The following PPP1R12C variants were observed in gnomAD, a reference collection of about 807,000 sequenced individuals.
The protein encoded by PPP1R12C is protein phosphatase 1 regulatory subunit 12C.
A neutral mutation model predicts 95.6 loss-of-function variants in PPP1R12C; 48 were observed. The observed-to-expected ratio is 0.50, with a 90% CI of 0.40 to 0.64. The LOEUF (loss-of-function observed/expected upper bound fraction) is 0.64, where lower values mean the gene tolerates loss of function less well. PPP1R12C is among the 30% of genes least tolerant of loss of function. PPP1R12C has a pLI of 0.00. For synonymous variants in PPP1R12C, 480 were observed against 460.8 expected (o/e 1.04, Z -0.53); for missense variants, 1,057 against 1,083.3 (o/e 0.98, Z 0.34).
Position 55,117,361 on chromosome 19 carries a change from G to T in PPP1R12C, c.183C>A (p.Gly61=), listed in dbSNP as rs956873141. 17 of 1,116,738 alleles carry T rather than the reference G, an allele frequency of 1.5e-5. No homozygotes were observed. Among genetic ancestry groups the T allele is most frequent in the Non-Finnish European group, 1.9e-5 (17 of 915,688 alleles). The allele number at this position is 1,116,738 out of a possible 1,614,324, so 69.2% of individuals were successfully genotyped here. A position where few individuals can be genotyped will look rare whatever the true frequency, so the allele number is the denominator to read the frequency against. ...TCAGACGCGCCTCGTCCAGGTCGCC[G>T]CCCGCACAGGCCGCCAGGAACTCGG... ...RAAEFLAACA[G]GDLDEARLML... is the part of the protein sequence containing the mutation. The change falls in exon 1 of 22, where the codon GGC becomes GGA. Residue 61 remains glycine (G), a synonymous_variant. Coordinates refer to ENST00000263433, the MANE Select transcript of PPP1R12C (RefSeq NM_017607.4).
At chr19:55,105,654 A>T (rs2085030489) in intron 3 of PPP1R12C, among the ~76,000 whole-genome samples, 1 of 152,146 alleles carries the variant, frequency 6.6e-6, no homozygotes, top group Non-Finnish European at 1.5e-5. Flanking sequence ...ATCCAAGAAG[A>T]AGTCACTCCC....
At chr19:55,104,323 A>T (rs549348883) in intron 3 of PPP1R12C, among the ~76,000 whole-genome samples, 73 of 149,656 alleles carry the variant, frequency 4.9e-4, no homozygotes, top group Non-Finnish European at 1.0e-3. Flanking sequence ...TATATATATA[A>T]AACCTATATA....
rs1173984819 is a variant in PPP1R12C at position 55,095,313 on chromosome 19, T to C, written c.1432A>G (p.Lys478Glu). ...CACAGGACAGAGGGCTCCGGCAGCT[T>C]CGGGGAGGGGGTCGGGGTAATTCTG... ...LARITPTPSP[K>E]LPEPSVLSEV... is the part of the protein sequence containing the mutation. Residue 478 changes from lysine (K) to glutamate (E), a missense_variant, in exon 11 of 22, where the codon AAG becomes GAG. This residue lies in a region of PPP1R12C where 356 missense variants were observed against 330.5 expected (regional missense o/e 1.08). Coordinates refer to ENST00000263433, the MANE Select transcript of PPP1R12C (RefSeq NM_017607.4). 1.3e-6 allele frequency: 2 copies of C among 1,584,806 alleles called. No individual in the cohort carries two copies. The highest frequency in any genetic ancestry group is 2.3e-5 in the South Asian group (2 of 86,680).
Position 55,103,507 on chromosome 19 carries a change from G to A in PPP1R12C, c.633C>T (p.Cys211=), listed in dbSNP as rs148432002. 2.3e-4 allele frequency: 367 copies of A among 1,604,238 alleles called. No individual in the cohort carries two copies. The African/African-American group carries it at 4.4e-3, about 19-fold the overall frequency. The change falls in exon 4 of 22, where the codon TGC becomes TGT. Residue 211 remains cysteine, a synonymous_variant. Transcript: ENST00000263433. ...CTGGCATGGCGCCCCCATTCAGCCA[G>A]CACCTCGTGTCATGAAGGAGCAATT... ...EEELLLHDTR[C]WLNGGAMPEA...
intron 3 of PPP1R12C, among the ~76,000 whole-genome samples, chr19:55,108,236 A>G (rs2085059690): frequency 6.6e-6 from 1 of 152,100 alleles, no homozygotes; most frequent in Admixed American, 6.6e-5. Context: ...CGCCCAGCCT[A>G]AAATTTACCA....
rs549405143 is a variant in PPP1R12C at position 55,095,959 on chromosome 19, G to A, written c.1154-19C>T. 9 of 1,610,898 alleles carry A rather than the reference G, an allele frequency of 5.6e-6. No individual in the cohort carries two copies. Among genetic ancestry groups the A allele is most frequent in the African/African-American group, 2.7e-5 (2 of 74,840 alleles). On this transcript the variant is annotated intron_variant, in intron 8 of 21. Transcript: ENST00000263433. Reference sequence around the variant, plus strand: ...GGTGGTTCTGTGATGTGGGAACACCGGGCAGGTCACAGAAGATGCCAGTTG... The same window carrying A: ...GGTGGTTCTGTGATGTGGGAACACCAGGCAGGTCACAGAAGATGCCAGTTG...
intron 1 of PPP1R12C, 74 bp downstream of exon 1, chr19:55,117,149 G>A: frequency 8.7e-7 from 1 of 1,149,038 alleles, no homozygotes; most frequent in South Asian, 4.3e-5. Flanking sequence ...CTGGCAACGG[G>A]GAAGGAGGAT....
Position 55,093,041 on chromosome 19 carries a change from C to T in PPP1R12C, c.1800G>A (p.Glu600=). 1 of 1,590,710 alleles carries T rather than the reference C, an allele frequency of 6.3e-7. No individual in the cohort carries two copies. Among genetic ancestry groups the T allele is most frequent in the Non-Finnish European group, 8.6e-7 (1 of 1,167,580 alleles). ...PSRRPRVPGV[E]NSDSPAQRAE... is the part of the protein sequence containing the mutation. ...CTCTCTGGGCAGGGCTGTCAGAGTTCTCCACTCCAGGGACGCGGGGCCTTC... is the reference window on the plus strand; with the variant it reads ...CTCTCTGGGCAGGGCTGTCAGAGTTTTCCACTCCAGGGACGCGGGGCCTTC... Residue 600 remains glutamate (E), a synonymous_variant, in exon 15 of 22, where the codon GAG becomes GAA. Coordinates refer to ENST00000263433, the MANE Select transcript of PPP1R12C (RefSeq NM_017607.4).
Position 55,095,365 on chromosome 19 carries a change from GGA to G in PPP1R12C, c.1387-9_1387-8del. The G allele has an allele frequency of 6.3e-7, 1 of 1,588,606 alleles. No individual in the cohort carries two copies. The highest frequency in any genetic ancestry group is 2.3e-5 in the East Asian group (1 of 43,286). On this transcript the variant is annotated splice_polypyrimidine_tract_variant and splice_region_variant and intron_variant, in intron 10 of 21. Coordinates refer to ENST00000263433, the MANE Select transcript of PPP1R12C (RefSeq NM_017607.4). ...CAAGACGGAGCTCCTTGGCCTGTGT[GGA>G]GAGGAGAAGGGGAGGAAGGGGCAGT...
chr19:55,103,065 C>G (rs574466386), intron 4 of PPP1R12C, among the ~76,000 whole-genome samples: 36 of 152,170 alleles, frequency 2.4e-4, no homozygotes, highest in East Asian at 5.8e-4. Context: ...TGGTGGTGTG[C>G]GCCTGTAGTC....
At chr19:55,110,932 A>C (rs2085088657) in intron 3 of PPP1R12C, among the ~76,000 whole-genome samples, 1 of 150,938 alleles carries the variant, frequency 6.6e-6, no homozygotes, top group Admixed American at 6.6e-5. Flanking sequence ...AGGAAGGGAG[A>C]GATGGAGGGA....
At chr19:55,111,711 A>T (rs1053071506) in intron 3 of PPP1R12C, 15 of 151,244 alleles carry the variant, frequency 9.9e-5, no homozygotes, top group Non-Finnish European at 2.1e-4. Flanking sequence ...TTCCTTCCAC[A>T]CGGTCCCCTG....
chr19:55,107,187 G>T lies in PPP1R12C; in HGVS notation c.572-3619C>A, dbSNP rs557250399. Among the ~76,000 whole-genome samples the T allele has an allele frequency of 2.6e-5, 4 of 152,274 alleles. No homozygotes were observed. The South Asian group carries it at 8.3e-4, about 32-fold the overall frequency. On this transcript the variant is annotated intron_variant, in intron 3 of 21. Coordinates refer to ENST00000263433, the MANE Select transcript of PPP1R12C (RefSeq NM_017607.4). Reference sequence around the variant, plus strand: ...CCAGCACTTTGGGGGGCCGAGACGGGTGGATCAGCTGAGGTCAGGAGTTCA... The same window carrying T: ...CCAGCACTTTGGGGGGCCGAGACGGTTGGATCAGCTGAGGTCAGGAGTTCA...
rs1448649608 is a variant in PPP1R12C at position 55,092,268 on chromosome 19, G to A, written c.2114C>T (p.Thr705Met). The A allele has an allele frequency of 2.5e-5, 40 of 1,599,676 alleles. No homozygotes were observed. The highest frequency in any genetic ancestry group is 3.3e-5 in the Non-Finnish European group (39 of 1,173,748). Reference sequence around the variant, plus strand: ...CACCTTGAGCTGCGCCAGCCGCAGCGTGGTCTCGGTCAGGGCCTCGCGAAG... The same window carrying A: ...CACCTTGAGCTGCGCCAGCCGCAGCATGGTCTCGGTCAGGGCCTCGCGAAG... The part of the protein sequence containing the change: ...ERLREALTET[T>M]LRLAQLKVEL... Residue 705 changes from threonine (T) to methionine (M), a missense_variant, in exon 19 of 22, where the codon ACG becomes ATG. By Grantham distance (81) the Thr-to-Met change is moderately conservative. Transcript: ENST00000263433.
Position 55,091,282 on chromosome 19 carries a change from C to T in PPP1R12C, c.*190G>A, listed in dbSNP as rs536300767. On this transcript the variant is annotated 3_prime_UTR_variant, in exon 22 of 22. Transcript: ENST00000263433. ...CCCCCTGCTTGGCTCGGCCTCCCACCTCCATCCTGGCCTCGGGTGGCCCCC... is the reference window on the plus strand; with the variant it reads ...CCCCCTGCTTGGCTCGGCCTCCCACTTCCATCCTGGCCTCGGGTGGCCCCC... 12 of 631,280 alleles carry T rather than the reference C, an allele frequency of 1.9e-5. No homozygotes were observed. The African/African-American group carries it at 2.0e-4, about 11-fold the overall frequency. 39.1% of individuals were successfully genotyped at this position (631,280 alleles called of 1,614,324 possible).
intron 4 of PPP1R12C, among the ~76,000 whole-genome samples, chr19:55,103,076 C>T (rs899466093): frequency 6.6e-6 from 1 of 152,078 alleles, no homozygotes; most frequent in South Asian, 2.1e-4. Context: ...GCCTGTAGTC[C>T]CCACTATTCA....
rs1198723390 is a variant in PPP1R12C, at chr19:55,094,671, C to T, written c.1582G>A (p.Asp528Asn). Residue 528 changes from aspartate (D) to asparagine (N), a missense_variant, in exon 12 of 22, where the codon GAC becomes AAC. By Grantham distance (23) the Asp-to-Asn change is conservative. Transcript: ENST00000263433. Reference sequence around the variant, plus strand: ...CCCTGGCCTCTTCACCTCCGTCGGTCCCGGGAGTCCGCTGGGGGCGCCGTG... The same window carrying T: ...CCCTGGCCTCTTCACCTCCGTCGGTTCCGGGAGTCCGCTGGGGGCGCCGTG... ...ASTAPPADSR[D>N]RRRSYQMPVR... 4.4e-6 allele frequency: 7 copies of T among 1,596,858 alleles called. No homozygotes were observed. Among genetic ancestry groups the T allele is most frequent in the Non-Finnish European group, 4.3e-6 (5 of 1,174,504 alleles).
intron 3 of PPP1R12C, among the ~76,000 whole-genome samples, chr19:55,105,249 G>C (rs1455703116): frequency 6.6e-6 from 1 of 152,132 alleles, no homozygotes; most frequent in African/African-American, 2.4e-5. Flanking sequence ...GTCACCAACT[G>C]TTCAATCCTA....
intron 1 of PPP1R12C, chr19:55,113,945 C>T: frequency 6.2e-6 from 1 of 160,876 alleles, no homozygotes; most frequent in Non-Finnish European, 1.4e-5. Flanking sequence ...CAACCCCTCC[C>T]CATTCAACCC....
Sources: gnomAD v4.1 joint callset for allele counts (sites outside exome capture counted in the v4.1 genomes callset) on GRCh38, gnomAD v4.1.1 for gene constraint, gnomAD v4.1.1 regional missense constraint, MANE v1.5 for transcripts, NCBI Gene and HGNC (gene_info 2026-07-23, HGNC 2026-07-21) for gene names.